Variants in CNTLN observed in about 807,000 individuals in gnomAD.
CNTLN encodes centlein, centrosomal protein.
A neutral mutation model predicts 180.0 loss-of-function variants in CNTLN; 212 were observed. The observed-to-expected ratio is 1.18, with a 90% CI of 1.05 to 1.32. The LOEUF (loss-of-function observed/expected upper bound fraction) is 1.32, where lower values mean the gene tolerates loss of function less well. Ranked by LOEUF, CNTLN falls within the 40% of genes most tolerant of loss-of-function variation. CNTLN has a pLI of 0.00. For synonymous variants in CNTLN, 722 were observed against 563.1 expected (o/e 1.28, Z -3.99); for missense variants, 2,095 against 1,610.9 (o/e 1.30, Z -5.14).
intron 6 of CNTLN, among the ~76,000 whole-genome samples, chr9:17,276,944 T>G (rs1383276191): frequency 6.6e-6 from 1 of 152,094 alleles, no homozygotes; most frequent in East Asian, 1.9e-4. Context: ...TCCAACTCTA[T>G]GCATATATAA....
intron 2 of CNTLN, among the ~76,000 whole-genome samples, chr9:17,180,354 T>TTATAG (rs1199183720): frequency 4.4e-5 from 6 of 136,084 alleles, no homozygotes; most frequent in South Asian, 2.1e-4. Flanking sequence ...AATTATTATA[T>TTATAG]TATATTATAT....
At chr9:17,383,425 G>A (rs955443760) in intron 13 of CNTLN, among the ~76,000 whole-genome samples, 30 of 151,836 alleles carry the variant, frequency 2.0e-4, no homozygotes, top group African/African-American at 6.3e-4. Flanking sequence ...GAGGCTGGAG[G>A]ATCACTTGAG....
chr9:17,512,366 C>T, the CNTLN span, among the ~76,000 whole-genome samples: 1 of 152,168 alleles, frequency 6.6e-6, no homozygotes, highest in Non-Finnish European at 1.5e-5. Flanking sequence ...ATTTCCTTTG[C>T]AGCAACATGG....
chr9:17,186,342 T>C (rs578217576), intron 2 of CNTLN, among the ~76,000 whole-genome samples: 1 of 152,292 alleles, frequency 6.6e-6, no homozygotes, highest in East Asian at 1.9e-4. Context: ...GTAGTTGTCA[T>C]GTTAAAAGAA....
intron 7 of CNTLN, among the ~76,000 whole-genome samples, chr9:17,302,620 T>A (rs572791797): frequency 6.6e-6 from 1 of 152,134 alleles, no homozygotes; most frequent in African/African-American, 2.4e-5. Context: ...AACGTTAAGT[T>A]ACTGAAACTT....
At chr9:17,169,869 T>G (rs1820315933) in intron 2 of CNTLN, among the ~76,000 whole-genome samples, 1 of 152,202 alleles carries the variant, frequency 6.6e-6, no homozygotes, top group Non-Finnish European at 1.5e-5. Flanking sequence ...GAAGATTGCT[T>G]TAGCTAGTCA....
At chr9:17,274,469 C>CTATG (rs1587449838) in intron 6 of CNTLN, among the ~76,000 whole-genome samples, 1 of 144,160 alleles carries the variant, frequency 6.9e-6, no homozygotes, top group Non-Finnish European at 1.5e-5. Flanking sequence ...ATCTATCTAT[C>CTATG]TATCTATCTA....
chr9:17,138,568 A>C (rs1042861209), intron 1 of CNTLN, among the ~76,000 whole-genome samples: 2 of 152,214 alleles, frequency 1.3e-5, no homozygotes, highest in Non-Finnish European at 2.9e-5. Context: ...CTTACTGTGT[A>C]ATTCCACCAG....
Position 17,143,285 on chromosome 9 carries a change from A to G in CNTLN, c.361-3A>G, listed in dbSNP as rs757349590. 6.8e-6 allele frequency: 11 copies of G among 1,607,066 alleles called. No individual in the cohort carries two copies. The highest frequency in any genetic ancestry group is 9.4e-6 in the Non-Finnish European group (11 of 1,174,890). ...CATCTAAATTCTCTTTTATTTCTTT[A>G]AGGCTGATAAAGAATTTGTATGGTC... On this transcript the variant is annotated splice_region_variant and splice_polypyrimidine_tract_variant and intron_variant, in intron 1 of 25. Coordinates refer to ENST00000380647, the MANE Select transcript of CNTLN (RefSeq NM_017738.4).
intron 12 of CNTLN, among the ~76,000 whole-genome samples, chr9:17,350,575 T>G (rs1013300277): frequency 5.9e-5 from 9 of 152,092 alleles, no homozygotes; most frequent in Non-Finnish European, 1.2e-4. Flanking sequence ...CTTGCTGATA[T>G]AACAAAACGC....
chr9:17,402,085 C>T (rs1827022133), intron 15 of CNTLN, among the ~76,000 whole-genome samples: 1 of 151,722 alleles, frequency 6.6e-6, no homozygotes, highest in African/African-American at 2.4e-5. Context: ...ATGTGGAATG[C>T]CTGACAAGCA....
chr9:17,493,751 CT>C (rs1354694772), intron 25 of CNTLN, among the ~76,000 whole-genome samples: 1 of 152,220 alleles, frequency 6.6e-6, no homozygotes, highest in Non-Finnish European at 1.5e-5. Context: ...AAGCCAACCA[CT>C]CTTCCAGAGC....
chr9:17,453,822 G>A (rs1830944697), intron 18 of CNTLN, among the ~76,000 whole-genome samples: 1 of 152,172 alleles, frequency 6.6e-6, no homozygotes, highest in Non-Finnish European at 1.5e-5. Flanking sequence ...TCATAACATG[G>A]CAACTTACTT....
intron 2 of CNTLN, among the ~76,000 whole-genome samples, chr9:17,148,294 A>G (rs1422528207): frequency 6.6e-6 from 1 of 152,226 alleles, no homozygotes; most frequent in Non-Finnish European, 1.5e-5. Context: ...AATGTTCTGT[A>G]AAGTCACTAC....
At chr9:17,230,409 A>G (rs1367162479) in intron 3 of CNTLN, among the ~76,000 whole-genome samples, 1 of 148,000 alleles carries the variant, frequency 6.8e-6, no homozygotes, top group Non-Finnish European at 1.5e-5. Flanking sequence ...GAGGAGAGGA[A>G]GCGGTCTGTA....
At chr9:17,255,960 CAGATTTTTTAGAATACAGTTTTGT>C (rs1826458154) in intron 5 of CNTLN, among the ~76,000 whole-genome samples, 1 of 151,746 alleles carries the variant, frequency 6.6e-6, no homozygotes, top group African/African-American at 2.4e-5. Context: ...TGTTAGAATA[CAGATTTTTTAGAATACAGTTTTGT>C]ATTTGTTAGA....
chr9:17,464,312 T>C (rs574212083), intron 20 of CNTLN, among the ~76,000 whole-genome samples, 185 bp from the exon 21 acceptor site: 1 of 151,492 alleles, frequency 6.6e-6, no homozygotes, highest in East Asian at 1.9e-4. Context: ...CTATAGATTT[T>C]ACAAGTGTTC....
At chr9:17,522,785 T>TATAC in the CNTLN span, among the ~76,000 whole-genome samples, 1 of 151,684 alleles carries the variant, frequency 6.6e-6, no homozygotes, top group Non-Finnish European at 1.5e-5. Flanking sequence ...CAAGGATTGA[T>TATAC]GCCCAAGCGT....
intron 23 of CNTLN, among the ~76,000 whole-genome samples, chr9:17,478,544 A>G (rs1832474948): frequency 6.6e-6 from 1 of 150,698 alleles, no homozygotes; most frequent in South Asian, 2.1e-4. Flanking sequence ...TTTTTTTAAG[A>G]GATGGCGTCT....
Sources: gnomAD v4.1 joint callset for allele counts (sites outside exome capture counted in the v4.1 genomes callset) on GRCh38, gnomAD v4.1.1 for gene constraint, MANE v1.5 for transcripts, NCBI Gene and HGNC (gene_info 2026-07-23, HGNC 2026-07-21) for gene names.